The following ZNF721 variants were observed in gnomAD, a reference collection of about 807,000 sequenced individuals.
The protein encoded by ZNF721 is zinc finger protein 721.
A neutral mutation model predicts 2.4 loss-of-function variants in ZNF721; 2 were observed. That is an observed-to-expected ratio of 0.82 (90% CI 0.34 to 2.58). The LOEUF (loss-of-function observed/expected upper bound fraction) is 2.58, where lower values mean the gene tolerates loss of function less well. Ranked by LOEUF, ZNF721 falls within the 30% of genes most tolerant of loss-of-function variation. The probability of loss-of-function intolerance (pLI) is 0.11; values close to 1 mark genes in which losing one functional copy is unlikely to be tolerated. For synonymous variants in ZNF721, 398 were observed against 381.8 expected, an observed-to-expected ratio of 1.04 and a Z score of -0.50; for missense variants, 1,187 against 1,085.5, an observed-to-expected ratio of 1.09 and a Z score of -1.31.
intron 2 of ZNF721, among the ~76,000 whole-genome samples, 153 bp downstream of exon 2, chr4:472,422 A>G (rs570466062): frequency 4.6e-5 from 7 of 152,354 alleles, no homozygotes; most frequent in African/African-American, 1.7e-4. Flanking sequence ...TCTATCAACA[A>G]TGTTAAGAAT....
At chr4:460,098 T>C (rs1452402335) in intron 2 of ZNF721, among the ~76,000 whole-genome samples, 6 of 152,148 alleles carry the variant, frequency 3.9e-5, no homozygotes, top group South Asian at 2.1e-4. Context: ...GCAGACGTAA[T>C]AGACATCGAC....
At chr4:474,127 C>A in intron 1 of ZNF721, 2 of 1,052,256 alleles carry the variant, frequency 1.9e-6, no homozygotes, top group Non-Finnish European at 1.3e-6. Flanking sequence ...CCTAACCGAG[C>A]TCAGGCTGAA....
intron 1 of ZNF721, among the ~76,000 whole-genome samples, chr4:495,799 T>C (rs1553872141): frequency 6.6e-6 from 1 of 152,096 alleles, no homozygotes; most frequent in African/African-American, 2.4e-5. Context: ...AGACGGGGTT[T>C]CACCATGTTG....
At chr4:498,295 C>CTTCCAGGTCACA (rs1483995001) in intron 1 of ZNF721, among the ~76,000 whole-genome samples, 2 of 150,026 alleles carry the variant, frequency 1.3e-5, no homozygotes, top group East Asian at 2.0e-4. Context: ...AGGGAGGGGG[C>CTTCCAGGTCACA]TTCCAGGTCA....
At chr4:446,355 G>A (rs1714472169) in intron 2 of ZNF721, among the ~76,000 whole-genome samples, 3 of 151,018 alleles carry the variant, frequency 2.0e-5, no homozygotes, top group South Asian at 2.1e-4. Context: ...AATAACAAAC[G>A]AGGACAGATG....
intron 2 of ZNF721, among the ~76,000 whole-genome samples, chr4:461,575 CA>C (rs1232629594): frequency 6.6e-6 from 1 of 152,180 alleles, no homozygotes; most frequent in Non-Finnish European, 1.5e-5. Context: ...CACTCCTACT[CA>C]AAATAGTATT....
chr4:473,930 G>A (rs1715547141), intron 1 of ZNF721: 4 of 1,499,010 alleles, frequency 2.7e-6, no homozygotes, highest in Non-Finnish European at 9.0e-7. Context: ...ATTTGCCGCC[G>A]GTTCTGATGA....
At position 492,112 on chromosome 4, in the gene ZNF721, G is replaced by A. The variant is rs530424289; in HGVS notation, c.-94+6944C>T. On this transcript the variant is annotated intron_variant, in intron 1 of 2. Transcript: ENST00000511833. ...AAGGAGGCAGAGCTTGCAGTGAGCC[G>A]AGATCACGCCACTGCACTCCAGTCT... is the stretch of plus-strand genomic sequence containing the variant. 4.8e-3 allele frequency among the ~76,000 whole-genome samples: 722 copies of A among 151,240 alleles called. 7 individuals are homozygous for A. Among genetic ancestry groups the A allele is most frequent in the African/African-American group, 0.017 (681 of 40,998 alleles).
chr4:497,001 C>G (rs1360412543), intron 1 of ZNF721, among the ~76,000 whole-genome samples: 1 of 151,952 alleles, frequency 6.6e-6, no homozygotes, highest in Non-Finnish European at 1.5e-5. Context: ...CGTGAGCCAC[C>G]GCGCCCAGCC....
In ZNF721 at chr4:472,765, A is replaced by G; in HGVS notation, c.-93-64T>C. 2.5e-6 allele frequency: 4 copies of G among 1,597,878 alleles called. No individual in the cohort carries two copies. The South Asian group carries it at 4.5e-5, about 18-fold the overall frequency. On this transcript the variant is annotated intron_variant, in intron 1 of 2. Coordinates refer to ENST00000511833, the MANE Select transcript of ZNF721 (RefSeq NM_133474.4). The stretch of plus-strand genomic sequence containing the variant: ...TTGACTACAGGTGAAATGTGTTAAG[A>G]GAACCAGTTCTGACATGTGACTGAC...
chr4:447,244 C>G (rs1272140753), intron 2 of ZNF721, among the ~76,000 whole-genome samples: 1 of 152,002 alleles, frequency 6.6e-6, no homozygotes, highest in African/African-American at 2.4e-5. Flanking sequence ...ATGGCATGAA[C>G]CCAGGAGGCA....
intron 1 of ZNF721, among the ~76,000 whole-genome samples, chr4:495,031 G>A (rs1273523335): frequency 6.6e-6 from 1 of 151,448 alleles, no homozygotes; most frequent in Admixed American, 6.6e-5. Flanking sequence ...TACAGGCGCC[G>A]GCCACCATGC....
Position 442,084 on chromosome 4 carries a change from T to C in ZNF721, c.2383A>G (p.Ser795Gly). ...TGAATCCTCTTATGTTTAGCAAAGCTTGAGGATGACGTAATGACTTTGCCA... is the reference window on the plus strand; with the variant it reads ...TGAATCCTCTTATGTTTAGCAAAGCCTGAGGATGACGTAATGACTTTGCCA... ...ECGKVITSSS[S>G]FAKHKRIHTG... Residue 795 changes from serine to glycine, a missense_variant, in exon 3 of 3, where the codon AGC becomes GGC. Ser to Gly is a moderately conservative substitution (Grantham distance 56). Transcript: ENST00000511833. 1 of 1,613,900 alleles carries C rather than the reference T, an allele frequency of 6.2e-7. No homozygotes were observed. Among genetic ancestry groups the C allele is most frequent in the Non-Finnish European group, 8.5e-7 (1 of 1,179,808 alleles).
chr4:492,797 A>C (rs1716056366), intron 1 of ZNF721, among the ~76,000 whole-genome samples: 1 of 150,856 alleles, frequency 6.6e-6, no homozygotes, highest in South Asian at 2.1e-4. Flanking sequence ...TTACCAAAAA[A>C]AAAAAACAAA....
At chr4:456,316 C>T (rs891562262) in intron 2 of ZNF721, among the ~76,000 whole-genome samples, 6 of 152,042 alleles carry the variant, frequency 3.9e-5, no homozygotes, top group Non-Finnish European at 7.4e-5. Context: ...GTGATCCACC[C>T]GCCTCAGCCT....
intron 2 of ZNF721, among the ~76,000 whole-genome samples, chr4:451,305 A>G (rs1203424072): frequency 6.6e-6 from 1 of 152,134 alleles, no homozygotes; most frequent in African/African-American, 2.4e-5. Context: ...AGAAATCTCT[A>G]TTTCAATCTA....
chr4:453,219 G>C lies in ZNF721; in HGVS notation c.35-8787C>G, dbSNP rs547473596. 2.0e-5 allele frequency among the ~76,000 whole-genome samples: 3 copies of C among 152,334 alleles called. No individual in the cohort carries two copies. In the South Asian group the frequency reaches 6.2e-4, roughly 32 times the overall value. On this transcript the variant is annotated intron_variant, in intron 2 of 2. Coordinates refer to ENST00000511833, the MANE Select transcript of ZNF721 (RefSeq NM_133474.4). ...GCAGCTAGCTGGTTGAACCAGTAAT[G>C]GTCCTCTGAGCTATTTAGGAGGAGG...
At position 441,868 on chromosome 4, in the gene ZNF721, A is replaced by G. The variant is rs1164903790; in HGVS notation, c.2599T>C (p.Cys867Arg). 2.5e-6 allele frequency: 4 copies of G among 1,613,678 alleles called. No homozygotes were observed. Among genetic ancestry groups the G allele is most frequent in the South Asian group, 1.1e-5 (1 of 91,054 alleles). Residue 867 changes from cysteine to arginine, a missense_variant, in exon 3 of 3, where the codon TGT becomes CGT. Physicochemically the swap from Cys to Arg is radical, Grantham distance 180. Coordinates refer to ENST00000511833, the MANE Select transcript of ZNF721 (RefSeq NM_133474.4). ...CTAAAGGTTTTGCCACATTCTCCAC[A>G]TGTGTAGGGTTTCTCTCCAGTATGA... The part of the protein sequence containing the change: ...RIHTGEKPYT[C>R]GECGKTFRQS...
At position 442,171 on chromosome 4, in the gene ZNF721, A is replaced by G. The variant is rs782684732; in HGVS notation, c.2296T>C (p.Ser766Pro). The change falls in exon 3 of 3, where the codon TCA becomes CCA. Residue 766 changes from serine (S) to proline (P), a missense_variant. By Grantham distance (74) the Ser-to-Pro change is moderately conservative. Coordinates refer to ENST00000511833, the MANE Select transcript of ZNF721 (RefSeq NM_133474.4). ...KECGKVFKQS[S>P]HLNRHEKIHT... Reference sequence around the variant, plus strand: ...ATTTTCTCATGTCTATTCAGGTGTGAGGACTGTTTAAACACTTTCCCACAT... The same window carrying G: ...ATTTTCTCATGTCTATTCAGGTGTGGGGACTGTTTAAACACTTTCCCACAT... 6.2e-7 allele frequency: 1 copy of G among 1,612,560 alleles called. No individual in the cohort carries two copies. Among genetic ancestry groups the G allele is most frequent in the Non-Finnish European group, 8.5e-7 (1 of 1,178,998 alleles).
Sources: gnomAD v4.1 joint callset for allele counts (sites outside exome capture counted in the v4.1 genomes callset) on GRCh38, gnomAD v4.1.1 for gene constraint, MANE v1.5 for transcripts, NCBI Gene and HGNC (gene_info 2026-07-23, HGNC 2026-07-21) for gene names.